The following UBE3B variants were observed in gnomAD, a reference collection of about 807,000 sequenced individuals.
UBE3B encodes the protein ubiquitin protein ligase E3B.
UBE3B carries 80 observed loss-of-function variants against 132.3 expected under a neutral mutation model. The observed-to-expected ratio is 0.60, with a 90% CI of 0.50 to 0.73. The LOEUF (loss-of-function observed/expected upper bound fraction) is 0.73. UBE3B is among the 30% of genes least tolerant of loss of function. The probability of loss-of-function intolerance (pLI) is 0.00; values close to 1 mark genes in which losing one functional copy is unlikely to be tolerated. For synonymous variants in UBE3B, 487 were observed against 520.4 expected (o/e 0.94, Z 0.87); for missense variants, 1,196 against 1,362.5 (o/e 0.88, Z 1.92).
intron 9 of UBE3B, among the ~76,000 whole-genome samples, chr12:109,492,944 G>A (rs115041378): frequency 6.6e-6 from 1 of 152,130 alleles, no homozygotes; most frequent in East Asian, 1.9e-4. Context: ...TGGACCAGCC[G>A]CATTTTTAAG....
Position 109,534,294 on chromosome 12 carries a change from C to G in UBE3B, c.3016-297C>G. The G allele has an allele frequency of 1.5e-6, 2 of 1,375,556 alleles. No homozygotes were observed. The highest frequency in any genetic ancestry group is 1.9e-6 in the Non-Finnish European group (2 of 1,064,370). 85.2% of individuals were successfully genotyped at this position (1,375,556 alleles called of 1,614,324 possible). On this transcript the variant is annotated intron_variant, in intron 27 of 27. Transcript: ENST00000342494. The surrounding 1 kb of genome is among the most constrained non-coding windows in gnomAD (Gnocchi z 5.2). ...ACCTAACAGTTTTTACAGCATTCTA[C>G]TTTTTGTCAATTGGTTAACCAGTAA...
chr12:109,478,503 G>A (rs112268691), intron 1 of UBE3B, among the ~76,000 whole-genome samples: 2 of 152,274 alleles, frequency 1.3e-5, no homozygotes, highest in African/African-American at 4.8e-5. Context: ...TATTGAGGCT[G>A]GCCACGGTGG....
Position 109,536,233 on chromosome 12 carries a change from A to C in UBE3B, c.*1451A>C, listed in dbSNP as rs79046795. On this transcript the variant is annotated 3_prime_UTR_variant, in exon 28 of 28. Transcript: ENST00000342494. ...GGAATTTAAAGACAGGAATGTATTA[A>C]TATTATTGAAGGTGTGTTCGTAACC... 11 of 152,358 alleles carry C rather than the reference A, an allele frequency of 7.2e-5. No individual in the cohort carries two copies. The East Asian group carries it at 2.1e-3, about 29-fold the overall frequency. 9.4% of individuals were successfully genotyped at this position (152,358 alleles called of 1,614,324 possible).
In UBE3B at chr12:109,533,480, C is replaced by T; in HGVS notation, c.2937C>T (p.Cys979=). The change falls in exon 27 of 28, where the codon TGC becomes TGT. Residue 979 remains cysteine, a synonymous_variant. Transcript: ENST00000342494. ...RAMFLKFVTS[C]SRPPLLGFAY... The stretch of plus-strand genomic sequence containing the variant: ...TTGTGTTGCAGTTCGTGACCAGCTG[C>T]TCCAGACCCCCGCTCCTGGGATTCG... 2 of 1,614,168 alleles carry T rather than the reference C, an allele frequency of 1.2e-6. No homozygotes were observed. Among genetic ancestry groups the T allele is most frequent in the South Asian group, 1.1e-5 (1 of 91,092 alleles).
downstream of UBE3B, among the ~76,000 whole-genome samples, chr12:109,537,834 A>T (rs1437016071): frequency 1.3e-5 from 2 of 152,020 alleles, no homozygotes; most frequent in Non-Finnish European, 2.9e-5. Flanking sequence ...CCTCCCACAT[A>T]GCTGGGACTA....
intron 19 of UBE3B, among the ~76,000 whole-genome samples, chr12:109,517,591 C>T (rs1489463516): frequency 6.6e-6 from 1 of 152,206 alleles, no homozygotes; most frequent in Admixed American, 6.5e-5. Context: ...CACAGCCTCC[C>T]CTGGGCTTGT....
intron 18 of UBE3B, among the ~76,000 whole-genome samples, chr12:109,512,480 A>G (rs1183108344): frequency 6.6e-6 from 1 of 152,032 alleles, no homozygotes; most frequent in Non-Finnish European, 1.5e-5. Context: ...AGTGGCAGGC[A>G]CTCTGGAAAT....
intron 23 of UBE3B, among the ~76,000 whole-genome samples, chr12:109,525,898 C>T (rs1268966159): frequency 3.9e-5 from 6 of 152,194 alleles, no homozygotes; most frequent in African/African-American, 7.2e-5. Flanking sequence ...GTGTTACCTG[C>T]GTCCCTTGAG....
chr12:109,486,629 C>G, intron 6 of UBE3B, 54 bp downstream of exon 6: 1 of 1,332,736 alleles, frequency 7.5e-7, no homozygotes, highest in Non-Finnish European at 1.0e-6. Flanking sequence ...GTACGTATGT[C>G]ATTTTCACCT....
At chr12:109,515,621 G>A (rs1314980281) in intron 18 of UBE3B, among the ~76,000 whole-genome samples, 6 of 152,040 alleles carry the variant, frequency 3.9e-5, no homozygotes, top group African/African-American at 1.2e-4. Context: ...CACCTGCCTC[G>A]GCCTCTCAAA....
At chr12:109,506,011 T>G (rs1879619452) in intron 14 of UBE3B, among the ~76,000 whole-genome samples, 1 of 152,224 alleles carries the variant, frequency 6.6e-6, no homozygotes, top group South Asian at 2.1e-4. Context: ...AGATGTGTTA[T>G]TAGATGTAAA....
rs139513754 is a variant in UBE3B at position 109,479,191 on chromosome 12, C to T, written c.-128+1082C>T. On this transcript the variant is annotated intron_variant, in intron 1 of 27. Transcript: ENST00000342494. ...TTAAATGATCTTGGTTATCACCAAC[C>T]TCTTATTTTCTAATCTTTCTACCTA... 2.7e-3 allele frequency among the ~76,000 whole-genome samples: 411 copies of T among 152,246 alleles called. 3 individuals are homozygous for T. Among genetic ancestry groups the T allele is most frequent in the African/African-American group, 9.5e-3 (395 of 41,532 alleles).
In UBE3B at chr12:109,535,029, G is replaced by A. The variant is rs1412302068; in HGVS notation, c.*247G>A. The A allele has an allele frequency of 5.4e-6, 2 of 373,326 alleles. No homozygotes were observed. Among genetic ancestry groups the A allele is most frequent in the Admixed American group, 4.5e-5 (1 of 22,212 alleles). The allele number at this position is 373,326 out of a possible 1,614,324, so 23.1% of individuals were successfully genotyped here. A position where few individuals can be genotyped will look rare whatever the true frequency, so the allele number is the denominator to read the frequency against. The stretch of plus-strand genomic sequence containing the variant: ...AAACCTCCAGATTCCACCAACACGG[G>A]TCCATTCTTCCTGGTGATGGCAGAG... On this transcript the variant is annotated 3_prime_UTR_variant, in exon 28 of 28. Transcript: ENST00000342494.
chr12:109,503,637 C>T (rs1039026370), intron 14 of UBE3B, among the ~76,000 whole-genome samples: 1 of 152,204 alleles, frequency 6.6e-6, no homozygotes, highest in Non-Finnish European at 1.5e-5. Context: ...TACCATGTCA[C>T]AAATTCTTCG....
In UBE3B at chr12:109,535,197, C is replaced by T. The variant is rs756305761; in HGVS notation, c.*415C>T. The T allele has an allele frequency of 4.4e-5, 7 of 157,794 alleles. No homozygotes were observed. Among genetic ancestry groups the T allele is most frequent in the Admixed American group, 6.5e-5 (1 of 15,402 alleles). 9.8% of individuals were successfully genotyped at this position (157,794 alleles called of 1,614,324 possible). ...GGTTGAGTGTACAAAGCCTACTGTG[C>T]GTGAGATCCTCTCCTTCCGTTTCTG... On this transcript the variant is annotated 3_prime_UTR_variant, in exon 28 of 28. Coordinates refer to ENST00000342494, the MANE Select transcript of UBE3B (RefSeq NM_130466.4).
intron 9 of UBE3B, among the ~76,000 whole-genome samples, chr12:109,494,014 C>T (rs957844062): frequency 3.3e-5 from 5 of 152,062 alleles, no homozygotes; most frequent in South Asian, 2.1e-4. Context: ...TTTGTAGAGA[C>T]AGGGTCTCAC....
In UBE3B at chr12:109,498,233, C is replaced by T. The variant is rs769116854; in HGVS notation, c.820C>T (p.Arg274Cys). ...VTHLSTVTPE[R>C]LTVLESHDML... ...TTTAACGGTCTGCTATTCTTTGCAG[C>T]GCCTCACTGTTTTAGAATCCCATGA... is the stretch of plus-strand genomic sequence containing the variant. The change falls in exon 11 of 28, where the codon CGC becomes TGC. Residue 274 changes from arginine (R) to cysteine (C), a missense_variant and splice_region_variant. By Grantham distance (180) the Arg-to-Cys change is radical (BLOSUM62 -3). Coordinates refer to ENST00000342494, the MANE Select transcript of UBE3B (RefSeq NM_130466.4). 23 of 1,613,720 alleles carry T rather than the reference C, an allele frequency of 1.4e-5. No individual in the cohort carries two copies. The highest frequency in any genetic ancestry group is 9.3e-5 in the African/African-American group (7 of 74,900).
downstream of UBE3B, chr12:109,536,778 T>G (rs958718337): frequency 6.6e-6 from 1 of 152,238 alleles, no homozygotes; most frequent in Non-Finnish European, 1.5e-5. Context: ...TTAGGGAGCA[T>G]GTAGGCTTCC....
chr12:109,521,459 AGGCT>A lies in UBE3B; in HGVS notation c.2274_2277del (p.Arg758SerfsTer43). The A allele has an allele frequency of 6.3e-7, 1 of 1,589,884 alleles. No individual in the cohort carries two copies. The highest frequency in any genetic ancestry group is 8.6e-7 in the Non-Finnish European group (1 of 1,164,172). ...CTTGCAGACAACCAGTGGGGATGAG[AGGCT>A]GTACCCCTCACCCACATCCTACATC... On this transcript the variant is annotated frameshift_variant, in exon 21 of 28. Transcript: ENST00000342494. LOFTEE classifies it high-confidence loss of function. This position sits in a 1 kb window ranked among gnomAD's most constrained non-coding sequence, Gnocchi z 4.2.
Sources: allele counts gnomAD v4.1 joint callset (sites outside exome capture counted in the v4.1 genomes callset), GRCh38; gene constraint gnomAD v4.1.1; non-coding constraint Gnocchi (gnomAD v3.1); transcripts MANE v1.5; gene names NCBI Gene and HGNC (gene_info 2026-07-23, HGNC 2026-07-21).